Variants in PPM1G observed in about 807,000 individuals in gnomAD.
The protein encoded by PPM1G is protein phosphatase, Mg2+/Mn2+ dependent 1G.
PPM1G carries 12 observed loss-of-function variants against 59.4 expected under a neutral mutation model. That is an observed-to-expected ratio of 0.20 (90% CI 0.13 to 0.33). The LOEUF (loss-of-function observed/expected upper bound fraction) is 0.33. Ranked by LOEUF, PPM1G falls within the 10% of genes least tolerant of loss-of-function variation. The probability of loss-of-function intolerance (pLI) is 1.00; values close to 1 mark genes in which losing one functional copy is unlikely to be tolerated. For missense variants in PPM1G, 392 were observed against 681.3 expected (o/e 0.58, Z 4.73); for synonymous variants, 245 against 251.9 (o/e 0.97, Z 0.26).
chr2:27,382,427 G>A lies in PPM1G; in HGVS notation c.1331+49C>T. On this transcript the variant is annotated intron_variant, in intron 8 of 9. Transcript: ENST00000344034. This position sits in a 1 kb window ranked among gnomAD's most constrained non-coding sequence, Gnocchi z 4.2. ...TAGAGGTGCCCTGAGTCCTATAAGA[G>A]AAGACATGCTGCAGAAAGGGGAATT... is the stretch of plus-strand genomic sequence containing the variant. The A allele has an allele frequency of 1.2e-6, 2 of 1,611,296 alleles. No homozygotes were observed. Among genetic ancestry groups the A allele is most frequent in the Non-Finnish European group, 1.7e-6 (2 of 1,178,794 alleles).
At chr2:27,387,223 T>A in intron 1 of PPM1G, 65 bp from the exon 2 acceptor site, 1 of 1,339,484 alleles carries the variant, frequency 7.5e-7, no homozygotes. Flanking sequence ...GTCATAGGGA[T>A]CAATGTCACC....
At position 27,383,273 on chromosome 2, in the gene PPM1G, G is replaced by A. The variant is rs1359728149; in HGVS notation, c.1201+93C>T. On this transcript the variant is annotated intron_variant, in intron 7 of 9. Coordinates refer to ENST00000344034, the MANE Select transcript of PPM1G (RefSeq NM_177983.3). The surrounding 1 kb of genome is among the most constrained non-coding windows in gnomAD (Gnocchi z 5.0). ...TAGTAGATATTAAAGTGCTTTGAAAGGCACAAGCACTAGGAAGATTAAAGT... is the reference window on the plus strand; with the variant it reads ...TAGTAGATATTAAAGTGCTTTGAAAAGCACAAGCACTAGGAAGATTAAAGT... 2.7e-6 allele frequency: 3 copies of A among 1,118,956 alleles called. No individual in the cohort carries two copies. Among genetic ancestry groups the A allele is most frequent in the Non-Finnish European group, 4.0e-6 (3 of 756,422 alleles). 69.3% of individuals were successfully genotyped at this position (1,118,956 alleles called of 1,614,324 possible).
chr2:27,409,083 G>C (rs1663450583), intron 1 of PPM1G, among the ~76,000 whole-genome samples: 1 of 152,160 alleles, frequency 6.6e-6, no homozygotes, highest in South Asian at 2.1e-4. Flanking sequence ...CTTCCCACAT[G>C]GCCGAGCCCT....
At chr2:27,394,132 G>T (rs1683987430) in intron 1 of PPM1G, among the ~76,000 whole-genome samples, 1 of 149,204 alleles carries the variant, frequency 6.7e-6, no homozygotes. Flanking sequence ...CCTGACCTCA[G>T]GTGATCCGCC....
intron 1 of PPM1G, among the ~76,000 whole-genome samples, chr2:27,406,300 A>G (rs959736434): frequency 2.0e-5 from 3 of 152,232 alleles, no homozygotes; most frequent in Admixed American, 6.5e-5. Context: ...TTCTGGAAAG[A>G]TAAGATTCAG....
intron 1 of PPM1G, among the ~76,000 whole-genome samples, chr2:27,402,911 CA>C (rs555918393): frequency 8.1e-6 from 1 of 123,348 alleles, no homozygotes; most frequent in Non-Finnish European, 1.7e-5. Context: ...CCTATCTCTA[CA>C]AAAAAAAACT....
chr2:27,409,490 C>A lies in PPM1G; in HGVS notation c.-68G>T. 1.4e-6 allele frequency: 2 copies of A among 1,380,800 alleles called. No individual in the cohort carries two copies. Among genetic ancestry groups the A allele is most frequent in the Non-Finnish European group, 1.9e-6 (2 of 1,071,514 alleles). The allele number at this position is 1,380,800 out of a possible 1,614,324, so 85.5% of individuals were successfully genotyped here. A position where few individuals can be genotyped will look rare whatever the true frequency, so the allele number is the denominator to read the frequency against. ...GCGACCCGTGCCGGAGCCGAAGCCCCGGGGGTGCGCGCGGCAGGAGCAGGC... is the reference window on the plus strand; with the variant it reads ...GCGACCCGTGCCGGAGCCGAAGCCCAGGGGGTGCGCGCGGCAGGAGCAGGC... On this transcript the variant is annotated 5_prime_UTR_variant, in exon 1 of 10. Coordinates refer to ENST00000344034, the MANE Select transcript of PPM1G (RefSeq NM_177983.3).
chr2:27,409,240 G>C, intron 1 of PPM1G, 63 bp downstream of exon 1: 5 of 1,507,162 alleles, frequency 3.3e-6, no homozygotes, highest in Non-Finnish European at 4.4e-6. Flanking sequence ...CCCATCCCCC[G>C]CTCTCTTTCT....
chr2:27,395,048 G>A (rs1684012348), intron 1 of PPM1G, among the ~76,000 whole-genome samples: 1 of 151,938 alleles, frequency 6.6e-6, no homozygotes, highest in Non-Finnish European at 1.5e-5. Flanking sequence ...TGACCAACAT[G>A]GTGAAACCCC....
rs372046780 is a variant in PPM1G at position 27,402,629 on chromosome 2, C to T, written c.120+6674G>A. Reference sequence around the variant, plus strand: ...GACCATCCTGGCTAACATGGTGAAACCCCGCCTCTACTAAAAACACACACA... The same window carrying T: ...GACCATCCTGGCTAACATGGTGAAATCCCGCCTCTACTAAAAACACACACA... On this transcript the variant is annotated intron_variant, in intron 1 of 9. Transcript: ENST00000344034. Among the ~76,000 whole-genome samples, 9 of 151,882 alleles carry T rather than the reference C, an allele frequency of 5.9e-5. No homozygotes were observed. In the East Asian group the frequency reaches 1.4e-3, roughly 23 times the overall value.
rs894258319 is a variant in PPM1G at position 27,392,548 on chromosome 2, G to A, written c.121-5390C>T. 3.0e-5 allele frequency among the ~76,000 whole-genome samples: 4 copies of A among 132,052 alleles called. No homozygotes were observed. The East Asian group carries it at 9.2e-4, about 30-fold the overall frequency. 86.6% of individuals were successfully genotyped at this position (132,052 alleles called of 152,430 possible). A position where few individuals can be genotyped will look rare whatever the true frequency, so the allele number is the denominator to read the frequency against. Reference sequence around the variant, plus strand: ...GACCTCAGGTGATCCTCCCGCCTCAGCCTCCCAAAGTGCTGAGATTTAGGC... The same window carrying A: ...GACCTCAGGTGATCCTCCCGCCTCAACCTCCCAAAGTGCTGAGATTTAGGC... On this transcript the variant is annotated intron_variant, in intron 1 of 9. Transcript: ENST00000344034.
chr2:27,396,467 A>C (rs1684055748), intron 1 of PPM1G, among the ~76,000 whole-genome samples: 1 of 152,098 alleles, frequency 6.6e-6, no homozygotes, highest in South Asian at 2.1e-4. Context: ...AGAGTTCTGG[A>C]AACTGGGTAC....
intron 1 of PPM1G, among the ~76,000 whole-genome samples, chr2:27,389,964 T>C (rs1209880612): frequency 6.6e-6 from 1 of 151,950 alleles, no homozygotes; most frequent in Non-Finnish European, 1.5e-5. Flanking sequence ...GGAGACCCCA[T>C]CTCTAAAACA....
Position 27,385,182 on chromosome 2 carries a change from TC to T in PPM1G, c.410-95del. On this transcript the variant is annotated intron_variant, in intron 4 of 9. Coordinates refer to ENST00000344034, the MANE Select transcript of PPM1G (RefSeq NM_177983.3). This position sits in a 1 kb window ranked among gnomAD's most constrained non-coding sequence, Gnocchi z 4.1. ...TCAACAGCCCTTGCAGCCTCTAACT[TC>T]CCCACAACCTCCCACTCCCAAGGTT... is the stretch of plus-strand genomic sequence containing the variant. 2 of 1,391,086 alleles carry T rather than the reference TC, an allele frequency of 1.4e-6. No homozygotes were observed. Among genetic ancestry groups the T allele is most frequent in the Non-Finnish European group, 1.9e-6 (2 of 1,041,620 alleles). 86.2% of individuals were successfully genotyped at this position (1,391,086 alleles called of 1,614,324 possible).
intron 1 of PPM1G, among the ~76,000 whole-genome samples, chr2:27,398,337 A>G (rs1319944443): frequency 6.6e-6 from 1 of 152,252 alleles, no homozygotes; most frequent in African/African-American, 2.4e-5. Flanking sequence ...TCACTCCCTC[A>G]TACCATTCAC....
chr2:27,396,828 AAAAAG>A (rs1464189101), intron 1 of PPM1G, among the ~76,000 whole-genome samples: 6 of 151,728 alleles, frequency 4.0e-5, no homozygotes, highest in Non-Finnish European at 8.8e-5. Context: ...ACAAAAAAAA[AAAAAG>A]AAAAGAAATG....
chr2:27,385,835 A>G lies in PPM1G; in HGVS notation c.321T>C (p.Thr107=). 1 of 1,614,010 alleles carries G rather than the reference A, an allele frequency of 6.2e-7. No homozygotes were observed. Among genetic ancestry groups the G allele is most frequent in the East Asian group, 2.2e-5 (1 of 44,880 alleles). ...AFLAIDAKLT[T]EEVIKELAQI... ...GTGCCAGCTCTTTAATGACTTCTTC[A>G]GTGGTCAATTTGGCGTCAATAGCCA... The change falls in exon 4 of 10, where the codon ACT becomes ACC. Residue 107 remains threonine, a synonymous_variant. Coordinates refer to ENST00000344034, the MANE Select transcript of PPM1G (RefSeq NM_177983.3). The surrounding 1 kb of genome is among the most constrained non-coding windows in gnomAD (Gnocchi z 4.1).
chr2:27,405,136 C>T (rs1251751139), intron 1 of PPM1G, among the ~76,000 whole-genome samples: 2 of 143,034 alleles, frequency 1.4e-5, no homozygotes, highest in African/African-American at 5.2e-5. Context: ...TGCAGTGGTG[C>T]GATCTCGGCT....
chr2:27,395,332 G>A (rs970795199), intron 1 of PPM1G, among the ~76,000 whole-genome samples: 1 of 151,924 alleles, frequency 6.6e-6, no homozygotes, highest in African/African-American at 2.4e-5. Flanking sequence ...AGGAGTTCGG[G>A]ACCAGCCTGG....
Sources: gnomAD v4.1 joint callset for allele counts (sites outside exome capture counted in the v4.1 genomes callset) on GRCh38, gnomAD v4.1.1 for gene constraint, Gnocchi (gnomAD v3.1) non-coding constraint, MANE v1.5 for transcripts, NCBI Gene and HGNC (gene_info 2026-07-23, HGNC 2026-07-21) for gene names.